FAT1: variants seen among roughly 807,000 people sequenced by gnomAD.
The protein encoded by FAT1 is protocadherin Fat 1.
A neutral mutation model predicts 329.8 loss-of-function variants in FAT1; 171 were observed. That is an observed-to-expected ratio of 0.52 (90% CI 0.46 to 0.59). The LOEUF is 0.59. FAT1 is among the 20% of genes least tolerant of loss of function. The pLI, the probability that FAT1 is intolerant of heterozygous loss-of-function variation, is 0.00. For missense variants in FAT1, 5,672 were observed against 5,774.4 expected (o/e 0.98, Z 0.57); for synonymous variants, 2,233 against 2,228.6 (o/e 1.00, Z -0.06).
chr4:186,619,177 C>T lies in FAT1; in HGVS notation c.7409G>A (p.Gly2470Glu). 6.2e-7 allele frequency: 1 copy of T among 1,613,898 alleles called. No individual in the cohort carries two copies. The highest frequency in any genetic ancestry group is 1.3e-5 in the African/African-American group (1 of 75,030). Residue 2470 changes from glycine to glutamate, a missense_variant, in exon 10 of 27, where the codon GGA becomes GAA. Physicochemically the swap from Gly to Glu is moderately conservative, Grantham distance 98. Transcript: ENST00000441802. ...FYSLNLSVSD[G>E]VFRSSTQVHV... The stretch of plus-strand genomic sequence containing the variant: ...AACCTGGGTGGAACTTCTAAAAACT[C>T]CATCAGACACTGACAGGTTAAGACT...
chr4:186,677,125 T>G (rs942836875), intron 2 of FAT1, among the ~76,000 whole-genome samples: 9 of 152,194 alleles, frequency 5.9e-5, no homozygotes, highest in Non-Finnish European at 1.3e-4. Flanking sequence ...TACAAAGCAG[T>G]TCTTAAATTT....
At chr4:186,591,595 T>C (rs561364217) in intron 26 of FAT1, among the ~76,000 whole-genome samples, 4 of 152,378 alleles carry the variant, frequency 2.6e-5, no homozygotes, top group South Asian at 2.1e-4. Flanking sequence ...GAAGGAACTG[T>C]TGAAATTCTG....
chr4:186,712,976 G>A (rs1745038095), intron 1 of FAT1, among the ~76,000 whole-genome samples: 1 of 151,896 alleles, frequency 6.6e-6, no homozygotes, highest in Non-Finnish European at 1.5e-5. Context: ...AACCTATCAT[G>A]AAGGGGGTTC....
chr4:186,616,377 C>T (rs1739710350), intron 11 of FAT1, among the ~76,000 whole-genome samples: 1 of 152,086 alleles, frequency 6.6e-6, no homozygotes, highest in Non-Finnish European at 1.5e-5. Flanking sequence ...CACAATCCCT[C>T]CTCACACTCC....
rs575792050 is a variant in FAT1 at position 186,709,004 on chromosome 4, A to G, written c.824T>C (p.Ile275Thr). 29 of 1,613,840 alleles carry G rather than the reference A, an allele frequency of 1.8e-5. No individual in the cohort carries two copies. In the Middle Eastern group the frequency reaches 4.9e-4, roughly 27 times the overall value. Residue 275 changes from isoleucine to threonine, a missense_variant, in exon 2 of 27, where the codon ATT (isoleucine) becomes ACT (threonine). Transcript: ENST00000441802. The part of the protein sequence containing the change: ...SELDRDPAYA[I>T]VTVDDCDQGA... ...CTGATCGCAGTCATCCACTGTCACA[A>G]TTGCATATGCTGGGTCCCTGTCCAG...
chr4:186,692,311 ATTTAT>A (rs1033311862), intron 2 of FAT1, among the ~76,000 whole-genome samples: 3 of 149,894 alleles, frequency 2.0e-5, no homozygotes, highest in African/African-American at 7.5e-5. Context: ...TAGGTTATTT[ATTTAT>A]TTATTTATTT....
In FAT1 at chr4:186,589,011, G is replaced by C. The variant is rs141111692; in HGVS notation, c.13348C>G (p.Pro4450Ala). The change falls in exon 27 of 27, where the codon CCG becomes GCG. Residue 4450 changes from proline to alanine, a missense_variant. Coordinates refer to ENST00000441802, the MANE Select transcript of FAT1 (RefSeq NM_005245.4). ...EDFPAADELPPLPPEFSNQFE... is the reference protein window; with the variant it reads ...EDFPAADELPALPPEFSNQFE... ...TGATTGCTGAATTCGGGCGGTAACG[G>C]TGGTAGCTCATCAGCTGCGGGGAAG... 6.2e-7 allele frequency: 1 copy of C among 1,614,004 alleles called. No individual in the cohort carries two copies. The highest frequency in any genetic ancestry group is 1.3e-5 in the African/African-American group (1 of 75,040).
chr4:186,707,050 T>C lies in FAT1; in HGVS notation c.2778A>G (p.Thr926=), dbSNP rs753414492. The C allele has an allele frequency of 6.2e-7, 1 of 1,613,808 alleles. No homozygotes were observed. Among genetic ancestry groups the C allele is most frequent in the African/African-American group, 1.3e-5 (1 of 74,882 alleles). ...SLEDVNDNPP[T]FIPPNYRVKV... ...TCACACGATAATTAGGTGGAATAAATGTAGGTGGGTTGTCATTAACATCTT... is the reference window on the plus strand; with the variant it reads ...TCACACGATAATTAGGTGGAATAAACGTAGGTGGGTTGTCATTAACATCTT... The change falls in exon 2 of 27, where the codon ACA becomes ACG. Residue 926 remains threonine (T), a synonymous_variant. Transcript: ENST00000441802.
chr4:186,622,305 G>GC (rs1160669552), intron 9 of FAT1, among the ~76,000 whole-genome samples: 9 of 152,240 alleles, frequency 5.9e-5, no homozygotes, highest in Admixed American at 3.9e-4. Flanking sequence ...TTTGAAGATT[G>GC]CAACAACATT....
chr4:186,682,084 C>A (rs1026982387), intron 2 of FAT1, among the ~76,000 whole-genome samples: 5 of 152,208 alleles, frequency 3.3e-5, no homozygotes, highest in African/African-American at 1.2e-4. Flanking sequence ...TATTAGTTGT[C>A]ATATGGAGGC....
chr4:186,656,245 G>C (rs983925894), intron 3 of FAT1, among the ~76,000 whole-genome samples: 1 of 152,194 alleles, frequency 6.6e-6, no homozygotes, highest in Admixed American at 6.5e-5. Context: ...GGTGTGGAGT[G>C]GGACTCTGGA....
At chr4:186,663,259 C>T (rs1742264952) in intron 3 of FAT1, 40 bp downstream of exon 3, 1 of 1,442,640 alleles carries the variant, frequency 6.9e-7, no homozygotes, top group African/African-American at 1.4e-5. Context: ...AACAGAAAAG[C>T]ATAAGCATAA....
intron 2 of FAT1, among the ~76,000 whole-genome samples, chr4:186,672,441 C>T (rs1194088182): frequency 6.6e-6 from 1 of 152,116 alleles, no homozygotes; most frequent in Non-Finnish European, 1.5e-5. Flanking sequence ...TTAACTGAAG[C>T]CATGACACTG....
chr4:186,650,420 A>C (rs1208750230), intron 3 of FAT1, among the ~76,000 whole-genome samples: 2 of 151,850 alleles, frequency 1.3e-5, no homozygotes, highest in African/African-American at 4.8e-5. Flanking sequence ...CAAAAGTTCC[A>C]ACTCTAAAGC....
chr4:186,705,342 T>C (rs1274460129), intron 2 of FAT1, among the ~76,000 whole-genome samples: 1 of 144,430 alleles, frequency 6.9e-6, no homozygotes, highest in African/African-American at 2.6e-5. Flanking sequence ...AAGACTCTCT[T>C]GTTTTTTTGT....
chr4:186,711,459 T>G (rs867656817), intron 1 of FAT1, among the ~76,000 whole-genome samples: 29 of 152,320 alleles, frequency 1.9e-4, no homozygotes, highest in African/African-American at 6.5e-4. Flanking sequence ...GTTCTAATAC[T>G]CAGGGAAATT....
chr4:186,687,948 G>C (rs569367178), intron 2 of FAT1, among the ~76,000 whole-genome samples: 3 of 152,174 alleles, frequency 2.0e-5, no homozygotes, highest in Admixed American at 6.5e-5. Flanking sequence ...AAGTTCACCA[G>C]GGTTCTAGGT....
At chr4:186,718,026 C>T (rs1381046041) in intron 1 of FAT1, among the ~76,000 whole-genome samples, 1 of 152,208 alleles carries the variant, frequency 6.6e-6, no homozygotes. Context: ...ACAATGGCCA[C>T]TTCTTCCACT....
intron 2 of FAT1, among the ~76,000 whole-genome samples, chr4:186,668,029 T>C (rs114719256): frequency 9.9e-4 from 151 of 152,108 alleles, no homozygotes; most frequent in African/African-American, 3.4e-3. Context: ...GAAGGAAGGG[T>C]CTTCCTCATG....
Sources: gnomAD v4.1 joint callset for allele counts (sites outside exome capture counted in the v4.1 genomes callset) on GRCh38, gnomAD v4.1.1 for gene constraint, MANE v1.5 for transcripts, NCBI Gene and HGNC (gene_info 2026-07-23, HGNC 2026-07-21) for gene names.